The following GNE variants were observed in gnomAD, a reference collection of about 807,000 sequenced individuals.
GNE encodes glucosamine (UDP-N-acetyl)-2-epimerase/N-acetylmannosamine kinase.
GNE carries 41 observed loss-of-function variants against 61.8 expected under a neutral mutation model. The observed-to-expected ratio is 0.66, with a 90% CI of 0.52 to 0.86. The LOEUF (loss-of-function observed/expected upper bound fraction) is 0.86. Among genes scored for constraint, GNE ranks in the 40% least tolerant of loss-of-function variants. GNE has a pLI of 0.00. For missense variants in GNE, 608 were observed against 909.1 expected, an observed-to-expected ratio of 0.67 and a Z score of 4.26; for synonymous variants, 264 against 326.4, an observed-to-expected ratio of 0.81 and a Z score of 2.06.
intron 2 of GNE, 54 bp downstream of exon 2, chr9:36,249,138 A>G (rs1422241806): frequency 1.4e-6 from 2 of 1,457,368 alleles, no homozygotes; most frequent in African/African-American, 2.8e-5. Flanking sequence ...ACAAAACCCA[A>G]GCTCCTTCTA....
chr9:36,246,472 G>A lies in GNE; in HGVS notation c.175C>T (p.Arg59Ter), dbSNP rs745517517. The A allele has an allele frequency of 9.9e-6, 16 of 1,610,764 alleles. No individual in the cohort carries two copies. The highest frequency in any genetic ancestry group is 1.7e-5 in the Admixed American group (1 of 59,974). ...HLIDDYGNTY[R>*]MIEQDDFDIN... ...TCAAAGTCATCTTGTTCAATCATTC[G>A]ATATGTATTTCTAAAGCCGGGGAGA... The change falls in exon 3 of 12, where the codon CGA becomes TGA. Residue 59 changes from arginine to a stop codon, truncating the protein, a stop_gained. Transcript: ENST00000642385. LOFTEE classifies it high-confidence loss of function.
At chr9:36,273,039 T>C (rs908801296) in intron 1 of GNE, among the ~76,000 whole-genome samples, 1 of 151,266 alleles carries the variant, frequency 6.6e-6, no homozygotes, top group East Asian at 2.0e-4. Context: ...GAGCCAAGAT[T>C]GCACCACTGC....
intron 1 of GNE, among the ~76,000 whole-genome samples, chr9:36,266,175 C>G (rs1002243861): frequency 2.6e-5 from 4 of 152,106 alleles, no homozygotes; most frequent in Non-Finnish European, 5.9e-5. Context: ...AAGTGATCCA[C>G]CCACCTCAGC....
chr9:36,272,912 A>C (rs887184644), intron 1 of GNE, among the ~76,000 whole-genome samples: 1 of 107,398 alleles, frequency 9.3e-6, no homozygotes, highest in African/African-American at 3.2e-5. Context: ...CATCTAGTAA[A>C]AATACAAAAA....
Position 36,218,794 on chromosome 9 carries a change from G to C in GNE, c.1817-495C>G, listed in dbSNP as rs910571931. Among the ~76,000 whole-genome samples the C allele has an allele frequency of 6.6e-5, 10 of 152,208 alleles. No homozygotes were observed. The highest frequency in any genetic ancestry group is 1.2e-4 in the Non-Finnish European group (8 of 68,038). Reference sequence around the variant, plus strand: ...TGACCCCATGCCTGTCACCTCACCTGTACACATTCCTCCTTCCTAGAAGAT... The same window carrying C: ...TGACCCCATGCCTGTCACCTCACCTCTACACATTCCTCCTTCCTAGAAGAT... On this transcript the variant is annotated intron_variant, in intron 10 of 11. Transcript: ENST00000642385. This position sits in a 1 kb window ranked among gnomAD's most constrained non-coding sequence, Gnocchi z 4.1.
At position 36,276,877 on chromosome 9, in the gene GNE, A is replaced by C. The variant is rs144416128; in HGVS notation, c.51+17T>G. The C allele has an allele frequency of 1.4e-4, 229 of 1,589,928 alleles. 2 individuals are homozygous for C. The East Asian group carries it at 3.5e-3, about 25-fold the overall frequency. On this transcript the variant is annotated intron_variant, in intron 1 of 11. Coordinates refer to the GNE transcript ENST00000396594. ...CAATTTCAATAATAAAGCTCTATTGAATTCCGAATTACTTACATGAGGTCC... is the reference window on the plus strand; with the variant it reads ...CAATTTCAATAATAAAGCTCTATTGCATTCCGAATTACTTACATGAGGTCC...
chr9:36,238,536 T>C (rs946957328), intron 3 of GNE, among the ~76,000 whole-genome samples: 1 of 152,248 alleles, frequency 6.6e-6, no homozygotes, highest in Non-Finnish European at 1.5e-5. Flanking sequence ...TGTTGGCCAT[T>C]TGTATATTTT....
chr9:36,236,606 C>G (rs1264811263), intron 4 of GNE, among the ~76,000 whole-genome samples: 1 of 152,210 alleles, frequency 6.6e-6, no homozygotes. Context: ...CTAAAGTAGA[C>G]AGTAGACAGA....
At chr9:36,263,406 A>G (rs1282024363), upstream of GNE, 1 of 163,774 alleles carries the variant, frequency 6.1e-6, no homozygotes, top group South Asian at 1.3e-4. Flanking sequence ...TCTGACCTCA[A>G]ATGATCTGCC....
intron 1 of GNE, among the ~76,000 whole-genome samples, chr9:36,251,534 C>A (rs1830106719): frequency 6.6e-6 from 1 of 152,102 alleles, no homozygotes; most frequent in African/African-American, 2.4e-5. Context: ...AGCAACCCCC[C>A]CACCTCAGCC....
intron 1 of GNE, among the ~76,000 whole-genome samples, chr9:36,251,327 C>T (rs897357241): frequency 6.6e-6 from 1 of 152,176 alleles, no homozygotes; most frequent in African/African-American, 2.4e-5. Context: ...ACTGCTCGCT[C>T]ATCCCTCCCT....
intron 5 of GNE, among the ~76,000 whole-genome samples, chr9:36,232,697 C>T (rs1318760320): frequency 6.6e-6 from 1 of 152,076 alleles, no homozygotes; most frequent in Non-Finnish European, 1.5e-5. Flanking sequence ...TAATGGAGTC[C>T]ATCATATACC....
intron 1 of GNE, among the ~76,000 whole-genome samples, chr9:36,275,451 A>C (rs928249642): frequency 6.6e-6 from 1 of 152,236 alleles, no homozygotes; most frequent in Non-Finnish European, 1.5e-5. Flanking sequence ...TGGAAAAGAT[A>C]ATTGAATTAT....
rs570300546 is a variant in GNE at position 36,269,942 on chromosome 9, G to A, written c.51+6952C>T. Among the ~76,000 whole-genome samples the A allele has an allele frequency of 4.2e-4, 64 of 152,074 alleles. 1 individual carries two copies. Among genetic ancestry groups the A allele is most frequent in the African/African-American group, 1.5e-3 (63 of 41,494 alleles). Reference sequence around the variant, plus strand: ...CTCCCAAAGTGTTGGGATTACAGGCGTGAGCCACCGCGCCCGGCCGGTTGT... The same window carrying A: ...CTCCCAAAGTGTTGGGATTACAGGCATGAGCCACCGCGCCCGGCCGGTTGT... On this transcript the variant is annotated intron_variant, in intron 1 of 11. Transcript: ENST00000396594.
chr9:36,253,111 A>G (rs7024380), intron 1 of GNE, among the ~76,000 whole-genome samples: 116,115 of 151,830 alleles, frequency 0.76, 44,901 homozygotes, highest in Non-Finnish European at 0.8. Context: ...GCGGTGAGCC[A>G]AGATGGTGCC....
chr9:36,228,140 C>T (rs887137260), intron 6 of GNE, among the ~76,000 whole-genome samples: 6 of 150,584 alleles, frequency 4.0e-5, no homozygotes, highest in Non-Finnish European at 7.4e-5. Flanking sequence ...TAAATACATA[C>T]AATTTTATCT....
intron 3 of GNE, among the ~76,000 whole-genome samples, chr9:36,238,145 C>CAT (rs35015617): frequency 0.5 from 74,511 of 149,244 alleles, 19,396 homozygotes; most frequent in Non-Finnish European, 0.6. Context: ...CACACACACA[C>CAT]ATATATATAC....
chr9:36,223,531 T>C lies in GNE; in HGVS notation c.1282-29A>G, dbSNP rs374506393. ...AAAGAGAAAACAACAAGTTCCGTCT[T>C]ACTGGTCTTAGCTAAGCAGCATATT... On this transcript the variant is annotated intron_variant, in intron 7 of 11. Coordinates refer to ENST00000642385, the MANE Select transcript of GNE (RefSeq NM_005476.7). 1.1e-4 allele frequency: 176 copies of C among 1,585,010 alleles called. No individual in the cohort carries two copies. In the South Asian group the frequency reaches 1.6e-3, roughly 14 times the overall value.
At chr9:36,248,577 GCC>G (rs1254057416) in intron 2 of GNE, among the ~76,000 whole-genome samples, 1 of 151,708 alleles carries the variant, frequency 6.6e-6, no homozygotes, top group Non-Finnish European at 1.5e-5. Context: ...ACCCACCTCA[GCC>G]CCCCAGAGTG....
Sources: allele counts gnomAD v4.1 joint callset (sites outside exome capture counted in the v4.1 genomes callset), GRCh38; gene constraint gnomAD v4.1.1; non-coding constraint Gnocchi (gnomAD v3.1); transcripts MANE v1.5; gene names NCBI Gene and HGNC (gene_info 2026-07-23, HGNC 2026-07-21).